MED12L: variants seen among roughly 807,000 people sequenced by gnomAD.
MED12L encodes the protein mediator of RNA polymerase II transcription subunit 12-like protein.
MED12L carries 60 observed loss-of-function variants against 281.3 expected under a neutral mutation model. The observed-to-expected ratio is 0.21, with a 90% confidence interval of 0.17 to 0.26. MED12L has a LOEUF of 0.26. Among genes scored for constraint, MED12L ranks in the 10% least tolerant of loss-of-function variants. MED12L has a pLI of 1.00. For synonymous variants in MED12L, 974 were observed against 987.2 expected, an observed-to-expected ratio of 0.99 and a Z score of 0.25; for missense variants, 2,146 against 2,680.9, an observed-to-expected ratio of 0.80 and a Z score of 4.41.
At position 151,212,671 on chromosome 3, in the gene MED12L, T is replaced by C. The variant is rs1432343058; in HGVS notation, c.2250+19005T>C. 10 of 151,690 alleles carry C rather than the reference T, an allele frequency of 6.6e-5. 1 individual carries two copies. Among genetic ancestry groups the C allele is most frequent in the Admixed American group, 5.9e-4 (9 of 15,222 alleles). 9.4% of individuals were successfully genotyped at this position (151,690 alleles called of 1,614,324 possible). On this transcript the variant is annotated intron_variant, in intron 16 of 44. Coordinates refer to ENST00000687756, the MANE Select transcript of MED12L (RefSeq NM_001393769.1). ...CATGTATCTAATATCCTCAAAGTGC[T>C]ATCAGAAAAAAAAAATTTTCTTGCT...
intron 16 of MED12L, among the ~76,000 whole-genome samples, chr3:151,214,687 A>G (rs1050623234): frequency 6.6e-5 from 10 of 151,974 alleles, no homozygotes; most frequent in African/African-American, 2.4e-4. Flanking sequence ...GTAAAGAGAA[A>G]CTGGAGCAGC....
In MED12L at chr3:151,272,613, C is replaced by T. The variant is rs553559164; in HGVS notation, c.2251-77446C>T. On this transcript the variant is annotated intron_variant, in intron 16 of 44. Transcript: ENST00000687756. ...GCATACTCGGGAAAGGTTGTTTGTC[C>T]TCTGCCCCAAGTATAAAATATTGAG... is the stretch of plus-strand genomic sequence containing the variant. Among the ~76,000 whole-genome samples the T allele has an allele frequency of 7.6e-4, 116 of 152,256 alleles. 1 individual carries two copies. Among genetic ancestry groups the T allele is most frequent in the Non-Finnish European group, 2.9e-5 (2 of 68,018 alleles).
intron 16 of MED12L, among the ~76,000 whole-genome samples, chr3:151,217,220 T>A (rs1465848079): frequency 6.6e-6 from 1 of 152,176 alleles, no homozygotes; most frequent in African/African-American, 2.4e-5. Context: ...AAATAGTGAA[T>A]CCCAGAAATG....
chr3:151,299,571 T>A (rs1359683625), intron 16 of MED12L, among the ~76,000 whole-genome samples: 1 of 151,428 alleles, frequency 6.6e-6, no homozygotes, highest in African/African-American at 2.4e-5. Flanking sequence ...CTCTGTCTGC[T>A]GGGTTCAAGC....
chr3:151,324,323 A>G (rs1420828622), intron 16 of MED12L, among the ~76,000 whole-genome samples: 1 of 152,238 alleles, frequency 6.6e-6, no homozygotes, highest in Admixed American at 6.5e-5. Flanking sequence ...GTTAGCCTCT[A>G]GGTCAGGGCT....
chr3:151,418,172 T>TC (rs1560144948), intron 43 of MED12L, among the ~76,000 whole-genome samples: 1 of 152,088 alleles, frequency 6.6e-6, no homozygotes, highest in African/African-American at 2.4e-5. Flanking sequence ...TCTCTTTCAC[T>TC]CCCCCCACCT....
chr3:151,199,921 G>A (rs951052639), intron 16 of MED12L, among the ~76,000 whole-genome samples: 10 of 151,960 alleles, frequency 6.6e-5, no homozygotes, highest in African/African-American at 2.4e-4. Context: ...GTAAGGAGTT[G>A]ATGGAAAATC....
chr3:151,213,753 G>A, intron 16 of MED12L: 1 of 1,614,148 alleles, frequency 6.2e-7, no homozygotes, highest in South Asian at 1.1e-5. Flanking sequence ...CGAAGATGTA[G>A]TTTGATGCTT....
intron 2 of MED12L, among the ~76,000 whole-genome samples, chr3:151,111,239 C>T (rs978925471): frequency 5.9e-5 from 9 of 152,176 alleles, no homozygotes; most frequent in African/African-American, 1.4e-4. Flanking sequence ...AAATATGATA[C>T]GAACAATAGC....
chr3:151,167,491 T>G (rs1720868379), intron 11 of MED12L, among the ~76,000 whole-genome samples: 1 of 152,236 alleles, frequency 6.6e-6, no homozygotes, highest in South Asian at 2.1e-4. Context: ...ATCAAAAACC[T>G]TTCCTTCTCT....
At chr3:151,378,259 A>C (rs1711576136) in intron 31 of MED12L, 86 bp downstream of exon 31, 2 of 1,278,212 alleles carry the variant, frequency 1.6e-6, no homozygotes, top group Admixed American at 6.1e-5. Context: ...TGGTCACTGT[A>C]CCCACAGTCC....
At chr3:151,116,088 G>T (rs79202569) in intron 2 of MED12L, among the ~76,000 whole-genome samples, 14 of 105,178 alleles carry the variant, frequency 1.3e-4, no homozygotes, top group African/African-American at 4.4e-4. Flanking sequence ...AAAAAAAAAA[G>T]AATAGTATAA....
intron 16 of MED12L, chr3:151,326,879 A>G (rs1408635209): frequency 6.6e-6 from 1 of 152,192 alleles, no homozygotes; most frequent in Non-Finnish European, 1.5e-5. Flanking sequence ...GAATCACAGA[A>G]GGATGCAAGA....
chr3:151,089,420 C>CTT lies in MED12L; in HGVS notation c.99+2409_99+2410dup, dbSNP rs34199914. On this transcript the variant is annotated intron_variant, in intron 2 of 44. Coordinates refer to ENST00000687756, the MANE Select transcript of MED12L (RefSeq NM_001393769.1). ...CCAAGTTGGGCCAACCTGGATTTAG[C>CTT]TTTTTTTTTTTTTTTGCAATTGTGT... Among the ~76,000 whole-genome samples the CTT allele has an allele frequency of 2.9e-3, 378 of 132,420 alleles. 1 individual carries two copies. Among genetic ancestry groups the CTT allele is most frequent in the Admixed American group, 6.1e-3 (80 of 13,098 alleles). The allele number at this position is 132,420 out of a possible 152,430, so 86.9% of individuals were successfully genotyped here. A position where few individuals can be genotyped will look rare whatever the true frequency, so the allele number is the denominator to read the frequency against.
intron 4 of MED12L, among the ~76,000 whole-genome samples, 172 bp downstream of exon 4, chr3:151,123,146 G>A (rs1217929094): frequency 6.6e-6 from 1 of 152,020 alleles, no homozygotes; most frequent in African/African-American, 2.4e-5. Context: ...TATTTTGATT[G>A]CATGTAGTGC....
At chr3:151,123,805 T>C (rs1714112818) in intron 4 of MED12L, among the ~76,000 whole-genome samples, 1 of 152,206 alleles carries the variant, frequency 6.6e-6, no homozygotes, top group African/African-American at 2.4e-5. Flanking sequence ...CTTTTGTATA[T>C]TTGCCTATTT....
At chr3:151,097,887 A>G (rs187293922) in intron 2 of MED12L, among the ~76,000 whole-genome samples, 3 of 152,352 alleles carry the variant, frequency 2.0e-5, no homozygotes, top group Admixed American at 2.0e-4. Context: ...AATGTTTCAG[A>G]TATTCTTTAA....
chr3:151,202,282 C>T (rs1477706733), intron 16 of MED12L, among the ~76,000 whole-genome samples: 2 of 152,156 alleles, frequency 1.3e-5, no homozygotes, highest in East Asian at 1.9e-4. Flanking sequence ...AGTTACTTAC[C>T]AGTGAAAATG....
At chr3:151,176,855 G>A (rs1722115080) in intron 11 of MED12L, among the ~76,000 whole-genome samples, 1 of 152,158 alleles carries the variant, frequency 6.6e-6, no homozygotes, top group Admixed American at 6.5e-5. Flanking sequence ...TATTAATTAA[G>A]TGCATCTGTA....
Sources: allele counts gnomAD v4.1 joint callset (sites outside exome capture counted in the v4.1 genomes callset), GRCh38; gene constraint gnomAD v4.1.1; transcripts MANE v1.5; gene names NCBI Gene and HGNC (gene_info 2026-07-23, HGNC 2026-07-21).